CLASP1: variants seen among roughly 807,000 people sequenced by gnomAD.
CLASP1 encodes the protein CLIP-associating protein 1.
Under a neutral mutation model 192.3 loss-of-function variants are expected in CLASP1, and 38 were observed. The ratio of observed to expected loss-of-function variants is 0.20; its 90% CI spans 0.15 to 0.26. The LOEUF (loss-of-function observed/expected upper bound fraction) is 0.26, where lower values mean the gene tolerates loss of function less well. Ranked by LOEUF, CLASP1 falls within the 10% of genes least tolerant of loss-of-function variation. CLASP1 has a pLI of 1.00. For missense variants in CLASP1, 1,433 were observed against 1,932.5 expected (o/e 0.74, Z 4.85); for synonymous variants, 691 against 712.8 (o/e 0.97, Z 0.49).
chr2:121,503,252 G>A lies in CLASP1; in HGVS notation c.645-18C>T. 2 of 1,394,680 alleles carry A rather than the reference G, an allele frequency of 1.4e-6. No homozygotes were observed. The highest frequency in any genetic ancestry group is 2.0e-6 in the Non-Finnish European group (2 of 1,004,912). 86.4% of individuals were successfully genotyped at this position (1,394,680 alleles called of 1,614,324 possible). Reference sequence around the variant, plus strand: ...CATTCAACCTGTATGAAAGAAAAATGTAAACAAACTATTAACCATCACTGC... The same window carrying A: ...CATTCAACCTGTATGAAAGAAAAATATAAACAAACTATTAACCATCACTGC... On this transcript the variant is annotated intron_variant, in intron 7 of 39. Transcript: ENST00000263710.
intron 34 of CLASP1, among the ~76,000 whole-genome samples, chr2:121,376,528 G>C (rs996551426): frequency 6.8e-3 from 7 of 1,032 alleles, no homozygotes; most frequent in African/African-American, 0.013. Context: ...GGAAGGGGTG[G>C]GGGGGGGGTC....
intron 2 of CLASP1, among the ~76,000 whole-genome samples, chr2:121,582,328 A>AGAGAGAGAGAAAGAGGAG (rs2061278326): frequency 6.7e-6 from 1 of 149,998 alleles, no homozygotes; most frequent in Admixed American, 6.7e-5. Context: ...AGAGAAAGGG[A>AGAGAGAGAGAAAGAGGAG]GAGAGAGAGA....
intron 7 of CLASP1, among the ~76,000 whole-genome samples, chr2:121,505,780 T>C (rs548169482): frequency 6.6e-6 from 1 of 152,298 alleles, no homozygotes; most frequent in South Asian, 2.1e-4. Flanking sequence ...AATTTAAATT[T>C]CCATATTAAA....
intron 2 of CLASP1, 195 bp from the exon 3 acceptor site, chr2:121,530,520 T>C (rs2094749435): frequency 3.5e-6 from 2 of 564,608 alleles, no homozygotes; most frequent in Non-Finnish European, 6.4e-6. Context: ...ACAGCTATAA[T>C]GGAAAATACT....
At chr2:121,571,503 C>T (rs2059973751) in intron 2 of CLASP1, among the ~76,000 whole-genome samples, 1 of 152,168 alleles carries the variant, frequency 6.6e-6, no homozygotes, top group Middle Eastern at 3.2e-3. Flanking sequence ...CTATGGCCCT[C>T]TTCTGCAAAA....
At chr2:121,517,461 T>A (rs1306334700) in intron 6 of CLASP1, among the ~76,000 whole-genome samples, 6 of 152,188 alleles carry the variant, frequency 3.9e-5, no homozygotes, top group Non-Finnish European at 7.3e-5. Flanking sequence ...TAGGCTATAT[T>A]GTCACCCAAA....
At chr2:121,564,801 G>C (rs942199232) in intron 2 of CLASP1, among the ~76,000 whole-genome samples, 2 of 152,200 alleles carry the variant, frequency 1.3e-5, no homozygotes, top group African/African-American at 4.8e-5. Context: ...GAAGAAAAGA[G>C]AGGGAAAGCC....
chr2:121,564,208 A>G (rs1487501194), intron 2 of CLASP1, among the ~76,000 whole-genome samples: 1 of 152,200 alleles, frequency 6.6e-6, no homozygotes, highest in East Asian at 1.9e-4. Context: ...GATTAGCTAA[A>G]GGCAATGAGG....
exon 40 of CLASP1, chr2:121,338,010 G>A (rs183215778): frequency 1.3e-5 from 2 of 152,440 alleles, no homozygotes; most frequent in East Asian, 3.9e-4. Flanking sequence ...GGGACCATGC[G>A]TGTGAACACA....
intron 24 of CLASP1, 66 bp from the exon 26 acceptor site, chr2:121,407,781 C>A: frequency 6.4e-7 from 1 of 1,562,534 alleles, no homozygotes; most frequent in Non-Finnish European, 8.8e-7. Flanking sequence ...GACTGTGAGT[C>A]ACACCAAACA....
intron 31 of CLASP1, 102 bp from the exon 33 acceptor site, chr2:121,387,330 A>T: frequency 4.8e-6 from 4 of 828,836 alleles, no homozygotes; most frequent in South Asian, 2.3e-5. Context: ...AATGGGTAGA[A>T]TCTGCCCAGG....
chr2:121,623,849 A>C (rs1454356375), intron 1 of CLASP1, among the ~76,000 whole-genome samples: 1 of 152,212 alleles, frequency 6.6e-6, no homozygotes, highest in African/African-American at 2.4e-5. Flanking sequence ...CTCCATCTGA[A>C]ACAAACAAAA....
At chr2:121,507,806 C>CA (rs1271677312) in intron 7 of CLASP1, among the ~76,000 whole-genome samples, 3 of 152,080 alleles carry the variant, frequency 2.0e-5, no homozygotes. Flanking sequence ...AAGGGATCCT[C>CA]AAAAAGGTCA....
At chr2:121,591,400 C>T (rs1559704445) in intron 2 of CLASP1, among the ~76,000 whole-genome samples, 1 of 152,166 alleles carries the variant, frequency 6.6e-6, no homozygotes, top group East Asian at 1.9e-4. Flanking sequence ...AAATTTGCTT[C>T]TCCCTCACTT....
chr2:121,457,334 T>C (rs1470617065), intron 14 of CLASP1, among the ~76,000 whole-genome samples: 4 of 152,106 alleles, frequency 2.6e-5, no homozygotes, highest in African/African-American at 9.7e-5. Flanking sequence ...CTGCCTTTAC[T>C]CAGGGAATAG....
At chr2:121,522,932 G>A (rs1410334035) in intron 6 of CLASP1, among the ~76,000 whole-genome samples, 1 of 152,242 alleles carries the variant, frequency 6.6e-6, no homozygotes, top group Non-Finnish European at 1.5e-5. Context: ...CATCTCAGAT[G>A]ATGAGGAGAC....
At chr2:121,642,235 T>C (rs1225576129) in intron 1 of CLASP1, among the ~76,000 whole-genome samples, 2 of 149,690 alleles carry the variant, frequency 1.3e-5, no homozygotes, top group African/African-American at 2.5e-5. Context: ...CTGGGCAACA[T>C]AGTGGGACCC....
At chr2:121,518,918 A>G (rs1208543023) in intron 6 of CLASP1, among the ~76,000 whole-genome samples, 2 of 152,226 alleles carry the variant, frequency 1.3e-5, no homozygotes, top group African/African-American at 4.8e-5. Flanking sequence ...TTACAGAAGT[A>G]GTCAATGCTA....
At chr2:121,446,619 A>C (rs2084392874) in intron 19 of CLASP1, among the ~76,000 whole-genome samples, 1 of 152,232 alleles carries the variant, frequency 6.6e-6, no homozygotes, top group Non-Finnish European at 1.5e-5. Context: ...CAAAAACAAA[A>C]CGAAATAAAC....
Sources: allele counts gnomAD v4.1 joint callset (sites outside exome capture counted in the v4.1 genomes callset), GRCh38; gene constraint gnomAD v4.1.1; transcripts MANE v1.5; gene names NCBI Gene and HGNC (gene_info 2026-07-23, HGNC 2026-07-21).